NELL1: variants seen among roughly 807,000 people sequenced by gnomAD.
The protein encoded by NELL1 is protein kinase C-binding protein NELL1.
Under a neutral mutation model 107.4 loss-of-function variants are expected in NELL1, and 76 were observed. That is an observed-to-expected ratio of 0.71 (90% CI 0.59 to 0.86). The LOEUF (loss-of-function observed/expected upper bound fraction) is 0.86. Ranked by LOEUF, NELL1 falls within the 40% of genes least tolerant of loss-of-function variation. The probability of loss-of-function intolerance (pLI) is 0.00; values close to 1 mark genes in which losing one functional copy is unlikely to be tolerated. For missense variants in NELL1, 1,024 were observed against 1,005.5 expected, an observed-to-expected ratio of 1.02 and a Z score of -0.25; for synonymous variants, 353 against 341.2, an observed-to-expected ratio of 1.03 and a Z score of -0.38.
At chr11:21,378,499 G>C (rs10500906) in intron 15 of NELL1, among the ~76,000 whole-genome samples, 1 of 151,786 alleles carries the variant, frequency 6.6e-6, no homozygotes, top group Non-Finnish European at 1.5e-5. Context: ...TAGGAACCAG[G>C]TTGGTATGGA....
chr11:20,682,697 A>G (rs1021097712), intron 2 of NELL1, among the ~76,000 whole-genome samples: 2 of 152,062 alleles, frequency 1.3e-5, no homozygotes, highest in Non-Finnish European at 2.9e-5. Flanking sequence ...GAACATAGTT[A>G]TCACCCAAAA....
intron 3 of NELL1, among the ~76,000 whole-genome samples, chr11:20,819,486 C>A (rs1368629410): frequency 6.6e-6 from 1 of 152,164 alleles, no homozygotes; most frequent in Non-Finnish European, 1.5e-5. Flanking sequence ...CCACTGAGGG[C>A]AATGTGTGGG....
chr11:21,495,004 T>A (rs1483663590), intron 15 of NELL1, among the ~76,000 whole-genome samples: 1 of 152,078 alleles, frequency 6.6e-6, no homozygotes, highest in Non-Finnish European at 1.5e-5. Flanking sequence ...ATGAATAGCT[T>A]TATTGAGATA....
intron 13 of NELL1, among the ~76,000 whole-genome samples, chr11:21,145,322 G>T (rs1396127426): frequency 3.9e-5 from 6 of 152,102 alleles, no homozygotes; most frequent in African/African-American, 1.2e-4. Flanking sequence ...AACCTAGACA[G>T]GCCACATCTA....
intron 3 of NELL1, among the ~76,000 whole-genome samples, chr11:20,819,572 G>A (rs1397293248): frequency 6.6e-6 from 1 of 152,192 alleles, no homozygotes; most frequent in Non-Finnish European, 1.5e-5. Flanking sequence ...ATTGTTACAT[G>A]AGACTTTTAA....
At chr11:21,328,909 CCTCTATTATATCTAGGAGGTAA>C (rs1212789641) in intron 14 of NELL1, among the ~76,000 whole-genome samples, 1 of 152,114 alleles carries the variant, frequency 6.6e-6, no homozygotes, top group Non-Finnish European at 1.5e-5. Flanking sequence ...AATGCCCATA[CCTCTATTATATCTAGGAGGTAA>C]CTATCTTACT....
intron 15 of NELL1, among the ~76,000 whole-genome samples, chr11:21,479,970 C>G (rs1347415295): frequency 6.6e-6 from 1 of 152,110 alleles, no homozygotes; most frequent in African/African-American, 2.4e-5. Context: ...GATATGGTTT[C>G]TGTGACTCTG....
intron 14 of NELL1, among the ~76,000 whole-genome samples, chr11:21,276,712 G>A (rs1248635065): frequency 6.6e-6 from 1 of 152,076 alleles, no homozygotes; most frequent in Non-Finnish European, 1.5e-5. Context: ...ATAGACCAAT[G>A]GAACAGAACG....
chr11:21,412,154 T>G (rs1163902508), intron 15 of NELL1, among the ~76,000 whole-genome samples: 1 of 152,150 alleles, frequency 6.6e-6, no homozygotes, highest in Non-Finnish European at 1.5e-5. Context: ...AACAGATTAA[T>G]TGATGGAAAA....
intron 4 of NELL1, 77 bp downstream of exon 4, chr11:20,847,830 C>A: frequency 7.0e-7 from 1 of 1,436,022 alleles, no homozygotes; most frequent in Non-Finnish European, 9.4e-7. Flanking sequence ...ATATCAAATT[C>A]CTTCAAGACT....
chr11:20,876,754 C>T (rs954523451), intron 4 of NELL1, among the ~76,000 whole-genome samples: 1 of 152,024 alleles, frequency 6.6e-6, no homozygotes, highest in African/African-American at 2.4e-5. Flanking sequence ...CAGAGGGAGA[C>T]TCCATCTCAA....
At chr11:20,745,869 G>T (rs1804282021) in intron 2 of NELL1, among the ~76,000 whole-genome samples, 1 of 152,156 alleles carries the variant, frequency 6.6e-6, no homozygotes, top group South Asian at 2.1e-4. Context: ...GCTGAACTAT[G>T]AAATATTTTA....
intron 5 of NELL1, among the ~76,000 whole-genome samples, chr11:20,903,991 T>C (rs1039463978): frequency 1.3e-5 from 2 of 152,148 alleles, no homozygotes; most frequent in African/African-American, 4.8e-5. Context: ...GTTCCTAGTG[T>C]AGGACAACAG....
At chr11:20,874,519 G>A (rs1284935527) in intron 4 of NELL1, among the ~76,000 whole-genome samples, 1 of 152,200 alleles carries the variant, frequency 6.6e-6, no homozygotes, top group Non-Finnish European at 1.5e-5. Flanking sequence ...ATTGAGTATA[G>A]CAATGCTTGT....
chr11:20,837,568 A>G (rs1187118686), intron 3 of NELL1, among the ~76,000 whole-genome samples: 1 of 152,104 alleles, frequency 6.6e-6, no homozygotes, highest in Non-Finnish European at 1.5e-5. Flanking sequence ...CCTTGGAGAG[A>G]TGGTTGATTT....
At chr11:21,071,611 G>C (rs192866823) in intron 12 of NELL1, among the ~76,000 whole-genome samples, 2 of 152,238 alleles carry the variant, frequency 1.3e-5, no homozygotes, top group Admixed American at 1.3e-4. Context: ...AACAGTCTCT[G>C]GCCATGTCTT....
chr11:21,178,056 A>T (rs1479223711), intron 13 of NELL1, among the ~76,000 whole-genome samples: 3 of 151,768 alleles, frequency 2.0e-5, no homozygotes, highest in African/African-American at 7.3e-5. Flanking sequence ...ATTTTTCTCC[A>T]GATCTGTCGG....
intron 12 of NELL1, among the ~76,000 whole-genome samples, chr11:21,007,218 A>G (rs1852346250): frequency 6.6e-6 from 1 of 152,070 alleles, no homozygotes; most frequent in Admixed American, 6.6e-5. Flanking sequence ...CTGGTTATAC[A>G]TTTTGTTTTC....
chr11:21,425,334 G>A (rs1170098620), intron 15 of NELL1, among the ~76,000 whole-genome samples: 1 of 152,126 alleles, frequency 6.6e-6, no homozygotes, highest in African/African-American at 2.4e-5. Context: ...AATCAGTTAT[G>A]AAAATGGTTG....
Sources: gnomAD v4.1 joint callset for allele counts (sites outside exome capture counted in the v4.1 genomes callset) on GRCh38, gnomAD v4.1.1 for gene constraint, MANE v1.5 for transcripts, NCBI Gene and HGNC (gene_info 2026-07-23, HGNC 2026-07-21) for gene names.